The following ARHGEF39 variants were observed in gnomAD, a reference collection of about 807,000 sequenced individuals.
ARHGEF39 encodes the protein Rho guanine nucleotide exchange factor (GEF) 39.
In ARHGEF39, 45 loss-of-function variants were observed where a neutral mutation model predicts 47.5. The ratio of observed to expected loss-of-function variants is 0.95; its 90% confidence interval spans 0.75 to 1.22. The LOEUF (loss-of-function observed/expected upper bound fraction) is 1.22. ARHGEF39 is among the 50% of genes most tolerant of loss of function. The pLI, the probability that ARHGEF39 is intolerant of heterozygous loss-of-function variation, is 0.00. For synonymous variants in ARHGEF39, 164 were observed against 167.8 expected, an observed-to-expected ratio of 0.98 and a Z score of 0.17; for missense variants, 411 against 425.3, an observed-to-expected ratio of 0.97 and a Z score of 0.30.
rs1449937086 is a variant in ARHGEF39 at position 35,664,390 on chromosome 9, C to A, written c.336G>T (p.Arg112Ser). The A allele has an allele frequency of 5.0e-6, 8 of 1,611,840 alleles. No individual in the cohort carries two copies. The highest frequency in any genetic ancestry group is 5.9e-6 in the Non-Finnish European group (7 of 1,178,916). The change falls in exon 3 of 9, where the codon AGG (arginine) becomes AGT (serine). Residue 112 changes from arginine (R) to serine (S), a missense_variant. By Grantham distance (110) the Arg-to-Ser change is moderately radical (BLOSUM62 -1). Transcript: ENST00000378387. Reference sequence around the variant, plus strand: ...AGGTTACCTGCAGGGTGGTCTGGGACCTCTCTGAGTTGGCAGCAAATTGGT... The same window carrying A: ...AGGTTACCTGCAGGGTGGTCTGGGAACTCTCTGAGTTGGCAGCAAATTGGT... ...LYNQFAANSE[R>S]SQTTLQEQLK...
chr9:35,661,974 CTA>C lies in ARHGEF39; in HGVS notation c.*11_*12del. 1 of 1,613,524 alleles carries C rather than the reference CTA, an allele frequency of 6.2e-7. No homozygotes were observed. Among genetic ancestry groups the C allele is most frequent in the East Asian group, 2.2e-5 (1 of 44,874 alleles). ...CCTGAGGTATCCTGAGTTCTGGAATCTATAAGATTCCTCTAGTTTTTCTGGCT... is the reference window on the plus strand; with the variant it reads ...CCTGAGGTATCCTGAGTTCTGGAATCTAAGATTCCTCTAGTTTTTCTGGCT... On this transcript the variant is annotated 3_prime_UTR_variant, in exon 9 of 9. Transcript: ENST00000378387.
At chr9:35,663,422 G>A (rs1824079098) in intron 4 of ARHGEF39, 30 bp from the exon 5 acceptor site, 2 of 1,594,954 alleles carry the variant, frequency 1.3e-6, no homozygotes, top group African/African-American at 1.3e-5. Context: ...AGTCTGAGGG[G>A]AAGCAGAGCC....
intron 4 of ARHGEF39, 28 bp downstream of exon 4, chr9:35,663,980 A>G (rs780505925): frequency 2.7e-5 from 43 of 1,595,568 alleles, no homozygotes; most frequent in Non-Finnish European, 3.6e-5. Context: ...TAAAAGAGAG[A>G]GGCGGCTGGA....
chr9:35,664,566 T>C (rs1563917491), intron 2 of ARHGEF39, 74 bp from the exon 3 acceptor site: 1 of 1,526,938 alleles, frequency 6.5e-7, no homozygotes, highest in African/African-American at 1.4e-5. Context: ...TTCATGAGAA[T>C]AGCACTAATA....
rs765219350 is a variant in ARHGEF39 at position 35,662,285 on chromosome 9, C to T, written c.904-18G>A. 4 of 1,607,118 alleles carry T rather than the reference C, an allele frequency of 2.5e-6. No individual in the cohort carries two copies. The Admixed American group carries it at 6.7e-5, about 27-fold the overall frequency. The stretch of plus-strand genomic sequence containing the variant: ...AAGGACAGCTAGAGAGAGACCACCT[C>T]TTAGCGCATGGCTCAGAAAGGTCCA... On this transcript the variant is annotated intron_variant, in intron 7 of 8. Coordinates refer to ENST00000378387, the MANE Select transcript of ARHGEF39 (RefSeq NM_032818.3).
chr9:35,660,916 C>G lies in ARHGEF39; in HGVS notation c.*1071G>C. 6.2e-7 allele frequency: 1 copy of G among 1,614,194 alleles called. No homozygotes were observed. Reference sequence around the variant, plus strand: ...GGAGACAAAGTCTCTGAAACTGGAACATTCCTGATCTCTCCCCACACAGAG... The same window carrying G: ...GGAGACAAAGTCTCTGAAACTGGAAGATTCCTGATCTCTCCCCACACAGAG... On this transcript the variant is annotated 3_prime_UTR_variant, in exon 9 of 9. Transcript: ENST00000378387.
rs368175461 is a variant in ARHGEF39, at chr9:35,661,328, T to C, written c.*659A>G. 9.5e-5 allele frequency: 57 copies of C among 602,342 alleles called. No homozygotes were observed. The highest frequency in any genetic ancestry group is 2.7e-4 in the Admixed American group (8 of 29,784). The allele number at this position is 602,342 out of a possible 1,614,324, so 37.3% of individuals were successfully genotyped here. On this transcript the variant is annotated 3_prime_UTR_variant, in exon 9 of 9. Coordinates refer to ENST00000378387, the MANE Select transcript of ARHGEF39 (RefSeq NM_032818.3). ...CCTTCCAGTGTGACAGCAGAGAAGA[T>C]AGAGGGAGCTCCAGCTCTTTTCCTC...
In ARHGEF39 at chr9:35,662,233, G is replaced by C; in HGVS notation, c.938C>G (p.Ser313Cys). The change falls in exon 8 of 9, where the codon TCC (serine) becomes TGC (cysteine). Residue 313 changes from serine to cysteine, a missense_variant. Physicochemically the swap from Ser to Cys is moderately radical, Grantham distance 112. Coordinates refer to ENST00000378387, the MANE Select transcript of ARHGEF39 (RefSeq NM_032818.3). ...GCGTGACAGCTCCTCCTGGTCTGTGGACATAAGCAGTAGCTTCTCATGAGG... is the reference window on the plus strand; with the variant it reads ...GCGTGACAGCTCCTCCTGGTCTGTGCACATAAGCAGTAGCTTCTCATGAGG... ...SFPHEKLLLMSTDQEELSRWY... is the reference protein window; with the variant it reads ...SFPHEKLLLMCTDQEELSRWY... 6.2e-7 allele frequency: 1 copy of C among 1,614,166 alleles called. No individual in the cohort carries two copies. The highest frequency in any genetic ancestry group is 8.5e-7 in the Non-Finnish European group (1 of 1,180,016).
rs769329190 is a variant in ARHGEF39, at chr9:35,660,902, C to A, written c.*1085G>T. 1.2e-6 allele frequency: 2 copies of A among 1,614,168 alleles called. No individual in the cohort carries two copies. Among genetic ancestry groups the A allele is most frequent in the Non-Finnish European group, 1.7e-6 (2 of 1,180,040 alleles). On this transcript the variant is annotated 3_prime_UTR_variant, in exon 9 of 9. Coordinates refer to ENST00000378387, the MANE Select transcript of ARHGEF39 (RefSeq NM_032818.3). ...AGTCTGCTGGAGGTGGAGACAAAGT[C>A]TCTGAAACTGGAACATTCCTGATCT... is the stretch of plus-strand genomic sequence containing the variant.
rs1823984989 is a variant in ARHGEF39 at position 35,662,181 on chromosome 9, G to C, written c.990C>G (p.Ile330Met). ...TCCTGGGGGAAGACACAACTTACCT[G>C]ATAGCCCAAGTCAGACTGTGGTACC... ...SRWYHSLTWAISSQKN is the reference protein window; with the variant it reads ...SRWYHSLTWAMSSQKN The change falls in exon 8 of 9, where the codon ATC becomes ATG. Residue 330 changes from isoleucine to methionine, a missense_variant and splice_region_variant. Physicochemically the swap from Ile to Met is conservative, Grantham distance 10. Transcript: ENST00000378387. The C allele has an allele frequency of 1.9e-6, 3 of 1,613,998 alleles. No homozygotes were observed. Among genetic ancestry groups the C allele is most frequent in the Non-Finnish European group, 2.5e-6 (3 of 1,179,880 alleles).
At chr9:35,663,248 G>T (rs754853566) in intron 5 of ARHGEF39, 74 bp downstream of exon 5, 3 of 1,572,518 alleles carry the variant, frequency 1.9e-6, no homozygotes, top group Non-Finnish European at 2.6e-6. Context: ...ACCAGACATT[G>T]TTGGAGGTCA....
At position 35,661,806 on chromosome 9, in the gene ARHGEF39, G is replaced by T; in HGVS notation, c.*181C>A. ...TGGGATTACAGGCATGAGCCACTGT[G>T]CCTGGCCGTGATTTTTAAGAGTTGG... On this transcript the variant is annotated 3_prime_UTR_variant, in exon 9 of 9. Coordinates refer to ENST00000378387, the MANE Select transcript of ARHGEF39 (RefSeq NM_032818.3). The T allele has an allele frequency of 1.5e-6, 1 of 682,036 alleles. No individual in the cohort carries two copies. Among genetic ancestry groups the T allele is most frequent in the Non-Finnish European group, 2.4e-6 (1 of 410,362 alleles). 42.2% of individuals were successfully genotyped at this position (682,036 alleles called of 1,614,324 possible).
At position 35,660,964 on chromosome 9, in the gene ARHGEF39, A is replaced by G. The variant is rs766597639; in HGVS notation, c.*1023T>C. ...GAGGCCAGCAGACCTCTTCCTGAGG[A>G]CTTCTGTTTAAAGGAGGACGAGGAG... On this transcript the variant is annotated 3_prime_UTR_variant, in exon 9 of 9. Coordinates refer to ENST00000378387, the MANE Select transcript of ARHGEF39 (RefSeq NM_032818.3). 1 of 1,614,140 alleles carries G rather than the reference A, an allele frequency of 6.2e-7. No homozygotes were observed. Among genetic ancestry groups the G allele is most frequent in the Non-Finnish European group, 8.5e-7 (1 of 1,180,022 alleles).
chr9:35,664,860 G>C lies in ARHGEF39; in HGVS notation c.139-10C>G. 1 of 1,606,384 alleles carries C rather than the reference G, an allele frequency of 6.2e-7. No individual in the cohort carries two copies. The highest frequency in any genetic ancestry group is 8.5e-7 in the Non-Finnish European group (1 of 1,179,788). ...GGATCCCCAAAAAGTACTGCGGAAG[G>C]AGAGAACATTGGTTCTTAGCCTAGA... On this transcript the variant is annotated splice_polypyrimidine_tract_variant and intron_variant, in intron 1 of 8. Coordinates refer to ENST00000378387, the MANE Select transcript of ARHGEF39 (RefSeq NM_032818.3).
At chr9:35,663,250 T>C (rs906656192) in intron 5 of ARHGEF39, 72 bp downstream of exon 5, 2 of 1,575,748 alleles carry the variant, frequency 1.3e-6, no homozygotes, top group African/African-American at 2.7e-5. Context: ...CAGACATTGT[T>C]GGAGGTCAGA....
chr9:35,664,079 C>G lies in ARHGEF39; in HGVS notation c.402G>C (p.Gln134His). The change falls in exon 4 of 9, where the codon CAG becomes CAC. Residue 134 changes from glutamine to histidine, a missense_variant. By Grantham distance (24) the Gln-to-His change is conservative. Transcript: ENST00000378387. The stretch of plus-strand genomic sequence containing the variant: ...GGCCCCCAAACTCAGGGCGGCCTTC[C>G]TGAAGCCGTACAAACCTCCGGAAAC... ...NKGFRRFVRL[Q>H]EGRPEFGGLQ... 5 of 1,614,106 alleles carry G rather than the reference C, an allele frequency of 3.1e-6. No homozygotes were observed. Among genetic ancestry groups the G allele is most frequent in the Non-Finnish European group, 4.2e-6 (5 of 1,179,980 alleles).
chr9:35,660,736 A>G lies in ARHGEF39; in HGVS notation c.*1251T>C. On this transcript the variant is annotated 3_prime_UTR_variant, in exon 9 of 9. Transcript: ENST00000378387. ...ATAGGTTGGGAGCCACTGAGTGGAC[A>G]TTTCTTCAGTGTGACTACTCTGGCT... 1 of 1,613,788 alleles carries G rather than the reference A, an allele frequency of 6.2e-7. No individual in the cohort carries two copies. The highest frequency in any genetic ancestry group is 8.5e-7 in the Non-Finnish European group (1 of 1,179,798).
chr9:35,664,311 T>G, intron 3 of ARHGEF39, 61 bp downstream of exon 3: 1 of 1,555,230 alleles, frequency 6.4e-7, no homozygotes, highest in Non-Finnish European at 8.7e-7. Context: ...ATGTATGAAG[T>G]TTGGGTCTCC....
At position 35,662,263 on chromosome 9, in the gene ARHGEF39, G is replaced by C; in HGVS notation, c.908C>G (p.Ser303Cys). ...AAGCAGTAGCTTCTCATGAGGGAAG[G>C]ACAGCTAGAGAGAGACCACCTCTTA... ...GGPCGGLLSL[S>C]FPHEKLLLMS... Residue 303 changes from serine to cysteine, a missense_variant, in exon 8 of 9, where the codon TCC becomes TGC. By Grantham distance (112) the Ser-to-Cys change is moderately radical (BLOSUM62 -1). Coordinates refer to ENST00000378387, the MANE Select transcript of ARHGEF39 (RefSeq NM_032818.3). The C allele has an allele frequency of 1.9e-6, 3 of 1,613,764 alleles. No homozygotes were observed. The South Asian group carries it at 3.3e-5, about 18-fold the overall frequency.
Sources: gnomAD v4.1 joint callset for allele counts on GRCh38, gnomAD v4.1.1 for gene constraint, MANE v1.5 for transcripts, NCBI Gene and HGNC (gene_info 2026-07-23, HGNC 2026-07-21) for gene names.